Variants in INO80 observed in about 807,000 individuals in gnomAD.
The protein encoded by INO80 is INO80 complex ATPase subunit.
INO80 carries 20 observed loss-of-function variants against 203.4 expected under a neutral mutation model. The observed-to-expected ratio is 0.10, with a 90% confidence interval of 0.07 to 0.14. The LOEUF (loss-of-function observed/expected upper bound fraction) is 0.14, where lower values mean the gene tolerates loss of function less well. Ranked by LOEUF, INO80 falls within the 10% of genes least tolerant of loss-of-function variation. The pLI, the probability that INO80 is intolerant of heterozygous loss-of-function variation, is 1.00. For missense variants in INO80, 1,419 were observed against 1,914.4 expected (o/e 0.74, Z 4.83); for synonymous variants, 726 against 685.2 (o/e 1.06, Z -0.93).
At chr15:41,059,481 C>T (rs2045061915) in intron 15 of INO80, among the ~76,000 whole-genome samples, 2 of 149,796 alleles carry the variant, frequency 1.3e-5, no homozygotes, top group South Asian at 4.2e-4. Flanking sequence ...AAAAATTAGC[C>T]GGGCATGGTG....
intron 19 of INO80, 118 bp from the exon 20 acceptor site, chr15:41,050,220 C>T: frequency 1.5e-6 from 1 of 657,744 alleles, no homozygotes. Context: ...CATATGTGAA[C>T]TCAGTATCTC....
In INO80 at chr15:41,049,353, G is replaced by T. The variant is rs1200789684; in HGVS notation, c.2510C>A (p.Pro837Gln). 1.2e-6 allele frequency: 2 copies of T among 1,613,518 alleles called. No homozygotes were observed. The highest frequency in any genetic ancestry group is 1.7e-6 in the Non-Finnish European group (2 of 1,179,448). The change falls in exon 21 of 36, where the codon CCA becomes CAA. Residue 837 changes from proline (P) to glutamine (Q), a missense_variant. Physicochemically the swap from Pro to Gln is moderately conservative, Grantham distance 76 (BLOSUM62 -1). This residue lies in a region of INO80 where 302 missense variants were observed against 345.4 expected (regional missense o/e 0.87). Coordinates refer to ENST00000648947, the MANE Select transcript of INO80 (RefSeq NM_017553.3). ...TWSPFHISLK[P>Q]YHISKFIYRH... ...GTAGATAAACTTTGAAATGTGGTAT[G>T]GCTTTAGGGAAATATGAAATGGAGA...
At chr15:41,072,913 T>C (rs1264674486) in intron 11 of INO80, among the ~76,000 whole-genome samples, 1 of 151,776 alleles carries the variant, frequency 6.6e-6, no homozygotes, top group Non-Finnish European at 1.5e-5. Context: ...CCCGAGTAGC[T>C]GGGACTACAA....
At position 41,077,160 on chromosome 15, in the gene INO80, G is replaced by A. The variant is rs563671815; in HGVS notation, c.1131+2541C>T. On this transcript the variant is annotated intron_variant, in intron 9 of 35. Transcript: ENST00000648947. The stretch of plus-strand genomic sequence containing the variant: ...CCGATCTCTTGATCCGCCCACCTCG[G>A]CCTCCCAAAGTGCTGGGATTACAAG... Among the ~76,000 whole-genome samples the A allele has an allele frequency of 5.3e-5, 8 of 151,402 alleles. No individual in the cohort carries two copies. In the South Asian group the frequency reaches 1.7e-3, roughly 32 times the overall value.
At chr15:41,003,189 CAG>C (rs2043986484) in intron 28 of INO80, among the ~76,000 whole-genome samples, 1 of 151,822 alleles carries the variant, frequency 6.6e-6, no homozygotes, top group Non-Finnish European at 1.5e-5. Context: ...ATGGTTATGA[CAG>C]AATATTAAGT....
intron 11 of INO80, 23 bp from the exon 12 acceptor site, chr15:41,072,081 ATT>A: frequency 3.7e-6 from 5 of 1,355,512 alleles, no homozygotes; most frequent in Non-Finnish European, 4.0e-6. Flanking sequence ...AAAAAAAAAA[ATT>A]AGAAAAAAAA....
chr15:41,070,667 C>T (rs1182180225), intron 12 of INO80, 120 bp from the exon 13 acceptor site: 5 of 779,306 alleles, frequency 6.4e-6, no homozygotes, highest in East Asian at 2.6e-5. Flanking sequence ...CAGAGATACT[C>T]AGCCTCAGCA....
At chr15:41,105,738 C>T (rs767209274) in intron 1 of INO80, among the ~76,000 whole-genome samples, 5 of 152,100 alleles carry the variant, frequency 3.3e-5, no homozygotes, top group Non-Finnish European at 5.9e-5. Flanking sequence ...TTTAATTTTG[C>T]TACTCAAATT....
intron 18 of INO80, among the ~76,000 whole-genome samples, chr15:41,054,382 C>T (rs2044945048): frequency 6.6e-6 from 1 of 152,116 alleles, no homozygotes; most frequent in Admixed American, 6.5e-5. Context: ...TGTAAAATCA[C>T]ATAAGGATTT....
At chr15:40,997,912 C>CT (rs1165002519) in intron 28 of INO80, among the ~76,000 whole-genome samples, 1 of 151,946 alleles carries the variant, frequency 6.6e-6, no homozygotes, top group African/African-American at 2.4e-5. Flanking sequence ...ACAGACCTCT[C>CT]TCACTGTCAT....
intron 25 of INO80, among the ~76,000 whole-genome samples, chr15:41,026,041 C>A (rs2044370199): frequency 2.0e-5 from 3 of 151,350 alleles, no homozygotes; most frequent in Admixed American, 2.0e-4. Flanking sequence ...ATAAACCAAA[C>A]AAAGTTGATA....
At chr15:41,028,117 T>C (rs2044404141) in intron 24 of INO80, among the ~76,000 whole-genome samples, 1 of 152,102 alleles carries the variant, frequency 6.6e-6, no homozygotes, top group Non-Finnish European at 1.5e-5. Context: ...AAAACAATGA[T>C]GACCAACACA....
intron 5 of INO80, among the ~76,000 whole-genome samples, chr15:41,091,568 G>A (rs1378823007): frequency 1.3e-5 from 2 of 150,678 alleles, no homozygotes; most frequent in Non-Finnish European, 2.9e-5. Context: ...CCCTTCCTGT[G>A]TCCATGTGTT....
intron 34 of INO80, among the ~76,000 whole-genome samples, 199 bp downstream of exon 34, chr15:40,983,563 G>A (rs905660111): frequency 6.6e-6 from 1 of 152,148 alleles, no homozygotes; most frequent in African/African-American, 2.4e-5. Flanking sequence ...TCTGAAAGTC[G>A]GGGATGACTA....
intron 9 of INO80, among the ~76,000 whole-genome samples, chr15:41,078,931 A>C (rs1479383322): frequency 6.6e-6 from 1 of 152,184 alleles, no homozygotes; most frequent in Non-Finnish European, 1.5e-5. Context: ...ATCTGAGCTC[A>C]GGAATTCAAA....
intron 14 of INO80, among the ~76,000 whole-genome samples, chr15:41,067,941 C>T (rs941849593): frequency 6.6e-6 from 1 of 152,216 alleles, no homozygotes; most frequent in Non-Finnish European, 1.5e-5. Flanking sequence ...ATTCCTCCAA[C>T]TTTTCATAAC....
intron 15 of INO80, among the ~76,000 whole-genome samples, chr15:41,059,015 G>C (rs969338655): frequency 2.2e-4 from 33 of 152,066 alleles, no homozygotes; most frequent in Non-Finnish European, 4.0e-4. Context: ...CCAGCAGCGT[G>C]AACATGGCTC....
chr15:41,027,942 T>C (rs2044401135), intron 24 of INO80: 1 of 366,126 alleles, frequency 2.7e-6, no homozygotes. Context: ...TTTATTAATA[T>C]ACCTTAAACA....
At chr15:41,054,284 G>C (rs1389311073) in intron 18 of INO80, among the ~76,000 whole-genome samples, 1 of 152,118 alleles carries the variant, frequency 6.6e-6, no homozygotes, top group Non-Finnish European at 1.5e-5. Context: ...CACTAATAGG[G>C]TTGTAAGTAT....
Sources: gnomAD v4.1 joint callset for allele counts (sites outside exome capture counted in the v4.1 genomes callset) on GRCh38, gnomAD v4.1.1 for gene constraint, gnomAD v4.1.1 regional missense constraint, MANE v1.5 for transcripts, NCBI Gene and HGNC (gene_info 2026-07-23, HGNC 2026-07-21) for gene names.